ZGRF1: variants seen among roughly 807,000 people sequenced by gnomAD.
ZGRF1 encodes 5'-3' DNA helicase ZGRF1.
A neutral mutation model predicts 203.5 loss-of-function variants in ZGRF1; 196 were observed. The ratio of observed to expected loss-of-function variants is 0.96; its 90% confidence interval spans 0.86 to 1.08. ZGRF1 has a LOEUF of 1.08. ZGRF1 is among the 50% of genes least tolerant of loss of function. The probability of loss-of-function intolerance (pLI) is 0.00; values close to 1 mark genes in which losing one functional copy is unlikely to be tolerated. For missense variants in ZGRF1, 2,326 were observed against 2,416.3 expected, an observed-to-expected ratio of 0.96 and a Z score of 0.78; for synonymous variants, 809 against 841.3, an observed-to-expected ratio of 0.96 and a Z score of 0.66.
At chr4:112,602,949 T>C (rs1750202032) in intron 10 of ZGRF1, among the ~76,000 whole-genome samples, 1 of 152,208 alleles carries the variant, frequency 6.6e-6, no homozygotes, top group South Asian at 2.1e-4. Context: ...CTCTATTTGT[T>C]AAAGGTGGAG....
At chr4:112,572,026 G>C (rs930229719) in intron 16 of ZGRF1, among the ~76,000 whole-genome samples, 3 of 152,154 alleles carry the variant, frequency 2.0e-5, no homozygotes, top group African/African-American at 7.2e-5. Context: ...GAGGAAAAGA[G>C]AGACTAATCA....
chr4:112,545,227 T>C (rs1419438727), intron 24 of ZGRF1, among the ~76,000 whole-genome samples: 1 of 151,502 alleles, frequency 6.6e-6, no homozygotes, highest in Non-Finnish European at 1.5e-5. Context: ...AAAAAAATTG[T>C]AAATCATATA....
chr4:112,573,181 C>G (rs1023208113), intron 16 of ZGRF1, among the ~76,000 whole-genome samples: 2 of 151,536 alleles, frequency 1.3e-5, no homozygotes, highest in African/African-American at 4.8e-5. Flanking sequence ...CACACACACA[C>G]ACACACACAC....
Position 112,619,577 on chromosome 4 carries a change from G to A in ZGRF1, c.465C>T (p.Cys155=). ...CAGTAGGAAACAAAGGAGGCATGCTGCAGAATGGAGAAAAAATAGTAGGGC... is the reference window on the plus strand; with the variant it reads ...CAGTAGGAAACAAAGGAGGCATGCTACAGAATGGAGAAAAAATAGTAGGGC... ...KTGPTIFSPF[C]SMPPLFPTVG... Residue 155 remains cysteine (C), a synonymous_variant, in exon 6 of 28, where the codon TGC becomes TGT. Transcript: ENST00000505019. 6.2e-7 allele frequency: 1 copy of A among 1,614,002 alleles called. No homozygotes were observed. Among genetic ancestry groups the A allele is most frequent in the Non-Finnish European group, 8.5e-7 (1 of 1,179,926 alleles).
Position 112,618,726 on chromosome 4 carries a change from A to G in ZGRF1, c.1316T>C (p.Ile439Thr). ...SESDIQEDNK[I>T]PFNQNDKGCI... ...CCCCTTGTCATTTTGATTAAAAGGT[A>G]TTTTATTATCTTCTTGAATGTCAGA... Residue 439 changes from isoleucine (I) to threonine (T), a missense_variant, in exon 6 of 28, where the codon ATA becomes ACA. Physicochemically the swap from Ile to Thr is moderately conservative, Grantham distance 89. Coordinates refer to ENST00000505019, the MANE Select transcript of ZGRF1 (RefSeq NM_018392.5). 1 of 1,610,878 alleles carries G rather than the reference A, an allele frequency of 6.2e-7. No individual in the cohort carries two copies. The highest frequency in any genetic ancestry group is 8.5e-7 in the Non-Finnish European group (1 of 1,179,090).
At chr4:112,551,827 TAA>T (rs1740013960) in intron 22 of ZGRF1, among the ~76,000 whole-genome samples, 1 of 144,220 alleles carries the variant, frequency 6.9e-6, no homozygotes, top group Non-Finnish European at 1.5e-5. Flanking sequence ...CCTAAAGTAT[TAA>T]GTTTTCTTTA....
At chr4:112,613,725 G>A (rs937682243) in intron 6 of ZGRF1, among the ~76,000 whole-genome samples, 2 of 152,188 alleles carry the variant, frequency 1.3e-5, no homozygotes, top group Non-Finnish European at 1.5e-5. Context: ...ATGCAAAGGA[G>A]TGCAGGGTGG....
intron 16 of ZGRF1, among the ~76,000 whole-genome samples, chr4:112,576,385 AG>A (rs1457339660): frequency 2.0e-5 from 3 of 152,232 alleles, no homozygotes; most frequent in African/African-American, 7.2e-5. Context: ...CCTCCTCCAA[AG>A]GAACGCAGCT....
chr4:112,562,355 G>GT lies in ZGRF1; in HGVS notation c.4697+15dup. 4.3e-6 allele frequency: 6 copies of GT among 1,392,420 alleles called. No homozygotes were observed. The highest frequency in any genetic ancestry group is 6.1e-6 in the Non-Finnish European group (6 of 987,870). 86.3% of individuals were successfully genotyped at this position (1,392,420 alleles called of 1,614,324 possible). A position where few individuals can be genotyped will look rare whatever the true frequency, so the allele number is the denominator to read the frequency against. On this transcript the variant is annotated intron_variant, in intron 18 of 27. Coordinates refer to ENST00000505019, the MANE Select transcript of ZGRF1 (RefSeq NM_018392.5). ...ATTTTTTAATACCAATGACTCAAAG[G>GT]TAAAAAATGACTTACGTTGTTAACA...
At chr4:112,576,934 A>G (rs910182714) in intron 16 of ZGRF1, among the ~76,000 whole-genome samples, 2 of 151,962 alleles carry the variant, frequency 1.3e-5, no homozygotes, top group African/African-American at 4.8e-5. Flanking sequence ...AGAATGCCAC[A>G]AACATACTCC....
intron 10 of ZGRF1, among the ~76,000 whole-genome samples, chr4:112,598,238 T>C (rs957166043): frequency 3.9e-5 from 6 of 152,148 alleles, no homozygotes; most frequent in Admixed American, 2.0e-4. Context: ...ACAGATTATA[T>C]GAAAAGTATG....
Position 112,617,531 on chromosome 4 carries a change from A to T in ZGRF1, c.2511T>A (p.Thr837=), listed in dbSNP as rs142752142. Residue 837 remains threonine (T), a synonymous_variant, in exon 6 of 28, where the codon ACT becomes ACA. Transcript: ENST00000505019. ...TCAATATTTCCAAGCTGTCTAAAGCAGTACTGTGTTCACATAGCGACTTTA... is the reference window on the plus strand; with the variant it reads ...TCAATATTTCCAAGCTGTCTAAAGCTGTACTGTGTTCACATAGCGACTTTA... ...SILKSLCEHS[T]ALDSLEILKK... is the part of the protein sequence containing the mutation. The T allele has an allele frequency of 6.6e-5, 106 of 1,612,932 alleles. No individual in the cohort carries two copies. In the African/African-American group the frequency reaches 1.2e-3, roughly 18 times the overall value.
intron 23 of ZGRF1, 139 bp from the exon 24 acceptor site, chr4:112,547,547 G>A: frequency 2.8e-6 from 2 of 709,370 alleles, no homozygotes; most frequent in Non-Finnish European, 4.5e-6. Flanking sequence ...GCTTAGTAGT[G>A]CTATTAAGCG....
At position 112,565,520 on chromosome 4, in the gene ZGRF1, T is replaced by C. The variant is rs1263743521; in HGVS notation, c.4439-2246A>G. On this transcript the variant is annotated intron_variant, in intron 16 of 27. Coordinates refer to ENST00000505019, the MANE Select transcript of ZGRF1 (RefSeq NM_018392.5). ...TTTCCATGGGGTCAAAAAAAGAGCT[T>C]CTGCACAGCAAAAGAAACTACCATC... is the stretch of plus-strand genomic sequence containing the variant. The C allele has an allele frequency of 8.2e-6, 5 of 606,220 alleles. No individual in the cohort carries two copies. The Admixed American group carries it at 1.5e-4, about 18-fold the overall frequency. 37.6% of individuals were successfully genotyped at this position (606,220 alleles called of 1,614,324 possible).
Position 112,563,290 on chromosome 4 carries a change from T to C in ZGRF1, c.4439-16A>G, listed in dbSNP as rs776809157. On this transcript the variant is annotated splice_polypyrimidine_tract_variant and intron_variant, in intron 16 of 27. Coordinates refer to ENST00000505019, the MANE Select transcript of ZGRF1 (RefSeq NM_018392.5). ...CAAAGATCATCTGAAAAGACAAACA[T>C]TTTTAAATATTACACAGACATATAC... is the stretch of plus-strand genomic sequence containing the variant. The C allele has an allele frequency of 9.1e-6, 14 of 1,538,974 alleles. No individual in the cohort carries two copies. In the South Asian group the frequency reaches 1.7e-4, roughly 18 times the overall value.
chr4:112,635,469 G>A (rs2047568779), intron 1 of ZGRF1, among the ~76,000 whole-genome samples: 1 of 151,848 alleles, frequency 6.6e-6, no homozygotes, highest in Non-Finnish European at 1.5e-5. Context: ...CTGTCACCTA[G>A]GCTGGAGTGC....
intron 9 of ZGRF1, 151 bp downstream of exon 9, chr4:112,605,857 T>C: frequency 1.6e-6 from 1 of 616,172 alleles, no homozygotes; most frequent in Non-Finnish European, 2.9e-6. Context: ...AGTCATTAAA[T>C]AGTTTTTCTT....
In ZGRF1 at chr4:112,575,659, C is replaced by A. The variant is rs116836897; in HGVS notation, c.4438+6004G>T. Among the ~76,000 whole-genome samples the A allele has an allele frequency of 3.3e-3, 505 of 152,340 alleles. 3 individuals are homozygous for A. The highest frequency in any genetic ancestry group is 7.9e-3 in the South Asian group (38 of 4,826). Reference sequence around the variant, plus strand: ...CGTGCCTGGATCAGAGGGTCCTACACCCACGGAGCCTCGCTCATTGCTAAC... The same window carrying A: ...CGTGCCTGGATCAGAGGGTCCTACAACCACGGAGCCTCGCTCATTGCTAAC... On this transcript the variant is annotated intron_variant, in intron 16 of 27. Coordinates refer to ENST00000505019, the MANE Select transcript of ZGRF1 (RefSeq NM_018392.5).
At position 112,617,503 on chromosome 4, in the gene ZGRF1, T is replaced by G. The variant is rs766099995; in HGVS notation, c.2539A>C (p.Lys847Gln). ...TALDSLEILK[K>Q]KNTVFQQGTQ... ...CCTTGCTGAAAGACAGTATTTTTCT[T>G]TTTCAATATTTCCAAGCTGTCTAAA... is the stretch of plus-strand genomic sequence containing the variant. Residue 847 changes from lysine to glutamine, a missense_variant, in exon 6 of 28, where the codon AAG (lysine) becomes CAG (glutamine). Coordinates refer to ENST00000505019, the MANE Select transcript of ZGRF1 (RefSeq NM_018392.5). The G allele has an allele frequency of 1.9e-6, 3 of 1,600,340 alleles. No homozygotes were observed. The highest frequency in any genetic ancestry group is 1.8e-5 in the Admixed American group (1 of 56,102).
Sources: gnomAD v4.1 joint callset for allele counts (sites outside exome capture counted in the v4.1 genomes callset) on GRCh38, gnomAD v4.1.1 for gene constraint, MANE v1.5 for transcripts, NCBI Gene and HGNC (gene_info 2026-07-23, HGNC 2026-07-21) for gene names.